The following NTM variants were observed in gnomAD, a reference collection of about 807,000 sequenced individuals.
NTM encodes neurotrimin.
A neutral mutation model predicts 42.1 loss-of-function variants in NTM; 13 were observed. The observed-to-expected ratio is 0.31, with a 90% CI of 0.20 to 0.49. The LOEUF (loss-of-function observed/expected upper bound fraction) is 0.49, where lower values mean the gene tolerates loss of function less well. NTM is among the 20% of genes least tolerant of loss of function. The pLI is 0.99. For synonymous variants in NTM, 187 were observed against 179.2 expected (o/e 1.04, Z -0.35); for missense variants, 373 against 452.8 (o/e 0.82, Z 1.60).
chr11:131,534,368 T>G (rs893562827), intron 1 of NTM: 1 of 152,204 alleles, frequency 6.6e-6, no homozygotes, highest in Non-Finnish European at 1.5e-5. Flanking sequence ...CATGCACACA[T>G]GCATGCACAC....
rs116370945 is a variant in NTM, at chr11:131,745,083, C to A, written c.83-166481C>A. Among the ~76,000 whole-genome samples the A allele has an allele frequency of 2.1e-3, 318 of 152,328 alleles. 1 individual carries two copies. The highest frequency in any genetic ancestry group is 7.4e-3 in the African/African-American group (309 of 41,566). On this transcript the variant is annotated intron_variant, in intron 1 of 8. Transcript: ENST00000683400. The stretch of plus-strand genomic sequence containing the variant: ...TAAAACAAACTCTGACACACAGAGG[C>A]CTGGACTTCCACTGGGGTTGTGCTG...
intron 3 of NTM, among the ~76,000 whole-genome samples, chr11:132,209,857 A>G (rs2082562862): frequency 6.6e-6 from 1 of 152,222 alleles, no homozygotes; most frequent in African/African-American, 2.4e-5. Flanking sequence ...AGATAAGTAC[A>G]GCACACGCTT....
intron 1 of NTM, among the ~76,000 whole-genome samples, chr11:131,668,420 C>G (rs1345658592): frequency 6.6e-6 from 1 of 152,068 alleles, no homozygotes; most frequent in African/African-American, 2.4e-5. Flanking sequence ...TTATATGTTA[C>G]AAGTCCCTAA....
chr11:131,461,138 G>C (rs575892523), intron 1 of NTM, among the ~76,000 whole-genome samples: 1 of 152,338 alleles, frequency 6.6e-6, no homozygotes, highest in African/African-American at 2.4e-5. Flanking sequence ...ACATCTGAGA[G>C]AGGGATTGCC....
intron 1 of NTM, among the ~76,000 whole-genome samples, chr11:131,400,338 A>ATATC (rs1945001096): frequency 6.6e-6 from 1 of 152,090 alleles, no homozygotes; most frequent in Non-Finnish European, 1.5e-5. Context: ...TGTGCTGAAG[A>ATATC]CCATGCTCAT....
chr11:131,739,164 A>C (rs1236717651), intron 1 of NTM, among the ~76,000 whole-genome samples: 1 of 151,408 alleles, frequency 6.6e-6, no homozygotes, highest in Non-Finnish European at 1.5e-5. Flanking sequence ...ATCCTTCCTC[A>C]CACTCCCACA....
At chr11:131,715,480 T>C (rs117754185) in intron 1 of NTM, among the ~76,000 whole-genome samples, 2,747 of 152,334 alleles carry the variant, frequency 0.018, 42 homozygotes, top group Non-Finnish European at 0.03. Flanking sequence ...TATTGAGGTA[T>C]AACTGATATA....
At chr11:132,023,899 A>T (rs543326278) in intron 2 of NTM, among the ~76,000 whole-genome samples, 81 of 149,926 alleles carry the variant, frequency 5.4e-4, no homozygotes, top group Non-Finnish European at 1.0e-3. Context: ...GCTCACTGCA[A>T]CCTCCACCTC....
intron 1 of NTM, among the ~76,000 whole-genome samples, chr11:131,756,431 G>C (rs2083342851): frequency 6.6e-6 from 1 of 152,074 alleles, no homozygotes; most frequent in African/African-American, 2.4e-5. Context: ...GGCTGAGGCA[G>C]GTCAATTGCT....
At position 131,389,774 on chromosome 11, in the gene NTM, A is replaced by G. The variant is rs1253803727; in HGVS notation, c.82+18886A>G. The stretch of plus-strand genomic sequence containing the variant: ...GTAACTGGCTGCGTTACAAATAGGA[A>G]CTCCCCTGGGATTCAGTAATCAAAC... On this transcript the variant is annotated intron_variant, in intron 1 of 8. Coordinates refer to ENST00000683400, the MANE Select transcript of NTM (RefSeq NM_001352005.2). 3.3e-5 allele frequency among the ~76,000 whole-genome samples: 5 copies of G among 151,748 alleles called. No homozygotes were observed. In the East Asian group the frequency reaches 9.7e-4, roughly 29 times the overall value.
chr11:131,700,356 C>T (rs2075950078), intron 1 of NTM, among the ~76,000 whole-genome samples: 1 of 152,166 alleles, frequency 6.6e-6, no homozygotes, highest in Non-Finnish European at 1.5e-5. Context: ...TCCTAACACT[C>T]TCTTCTCCTC....
intron 1 of NTM, among the ~76,000 whole-genome samples, chr11:131,867,578 GTGTA>G (rs1431618013): frequency 1.3e-5 from 2 of 152,038 alleles, no homozygotes; most frequent in Non-Finnish European, 1.5e-5. Flanking sequence ...GTCTGCCTGT[GTGTA>G]TGTGTGTGTA....
At chr11:131,977,561 C>T (rs1357645048) in intron 2 of NTM, among the ~76,000 whole-genome samples, 1 of 152,216 alleles carries the variant, frequency 6.6e-6, no homozygotes, top group East Asian at 1.9e-4. Context: ...CTTGCCAGCT[C>T]ATTGACTAAT....
intron 1 of NTM, among the ~76,000 whole-genome samples, chr11:131,778,432 A>G (rs906277422): frequency 7.2e-5 from 11 of 152,252 alleles, no homozygotes; most frequent in Non-Finnish European, 1.2e-4. Flanking sequence ...ATTTCAAAGT[A>G]AAGTCCCTTT....
intron 1 of NTM, among the ~76,000 whole-genome samples, chr11:131,583,567 T>A (rs1003972402): frequency 2.0e-5 from 3 of 152,178 alleles, no homozygotes; most frequent in Non-Finnish European, 2.9e-5. Context: ...CTTCAGACAC[T>A]GTGCTTTTTT....
At chr11:131,664,123 C>T (rs1165519969) in intron 1 of NTM, among the ~76,000 whole-genome samples, 1 of 152,180 alleles carries the variant, frequency 6.6e-6, no homozygotes, top group Non-Finnish European at 1.5e-5. Context: ...CCAGTGCAGC[C>T]AGCACAGGGA....
intron 1 of NTM, among the ~76,000 whole-genome samples, chr11:131,870,101 C>T (rs935435425): frequency 2.0e-4 from 30 of 152,090 alleles, no homozygotes; most frequent in African/African-American, 6.8e-4. Flanking sequence ...AATTCTGGCT[C>T]GAGTCTTTGC....
intron 1 of NTM, among the ~76,000 whole-genome samples, chr11:131,774,475 C>A (rs1448449733): frequency 6.6e-6 from 1 of 152,132 alleles, no homozygotes. Context: ...GTATTGTTTT[C>A]TTTCTGAAAT....
At chr11:132,139,230 A>G (rs1858263256) in intron 2 of NTM, among the ~76,000 whole-genome samples, 2 of 152,176 alleles carry the variant, frequency 1.3e-5, no homozygotes, top group Admixed American at 6.5e-5. Flanking sequence ...CTGTGGCTCT[A>G]TGAGATGATG....
Sources: gnomAD v4.1 joint callset for allele counts (sites outside exome capture counted in the v4.1 genomes callset) on GRCh38, gnomAD v4.1.1 for gene constraint, MANE v1.5 for transcripts, NCBI Gene and HGNC (gene_info 2026-07-23, HGNC 2026-07-21) for gene names.